Variants in NOS1AP observed in about 807,000 individuals in gnomAD.
NOS1AP encodes the protein nitric oxide synthase 1 adaptor protein.
In NOS1AP, 21 loss-of-function variants were observed where a neutral mutation model predicts 56.2. That is an observed-to-expected ratio of 0.37 (90% CI 0.26 to 0.54). NOS1AP has a LOEUF of 0.54. Ranked by LOEUF, NOS1AP falls within the 20% of genes least tolerant of loss-of-function variation. NOS1AP has a pLI of 0.84. For synonymous variants in NOS1AP, 270 were observed against 274.6 expected (o/e 0.98, Z 0.17); for missense variants, 522 against 657.8 (o/e 0.79, Z 2.26).
At chr1:162,129,360 C>A (rs1234141689) in intron 1 of NOS1AP, among the ~76,000 whole-genome samples, 1 of 152,162 alleles carries the variant, frequency 6.6e-6, no homozygotes, top group Non-Finnish European at 1.5e-5. Flanking sequence ...ATTTTTTAAA[C>A]CCTGATTGTT....
intron 7 of NOS1AP, 98 bp from the exon 8 acceptor site, chr1:162,356,862 G>A: frequency 1.2e-6 from 2 of 1,606,112 alleles, no homozygotes; most frequent in South Asian, 2.2e-5. Context: ...GGTTGTAAGT[G>A]TGCCAATTTG....
intron 2 of NOS1AP, among the ~76,000 whole-genome samples, chr1:162,185,406 G>A (rs1651396507): frequency 6.6e-6 from 1 of 152,150 alleles, no homozygotes; most frequent in Non-Finnish European, 1.5e-5. Flanking sequence ...ACATAATTCC[G>A]CCCTACTTCC....
chr1:162,329,137 A>G (rs1012399226), intron 4 of NOS1AP, among the ~76,000 whole-genome samples: 15 of 152,236 alleles, frequency 9.9e-5, no homozygotes, highest in Admixed American at 4.6e-4. Context: ...CTGTGGACAT[A>G]TGATGAATCT....
chr1:162,105,525 C>G (rs556759085), intron 1 of NOS1AP, among the ~76,000 whole-genome samples: 1 of 152,346 alleles, frequency 6.6e-6, no homozygotes, highest in Admixed American at 6.5e-5. Flanking sequence ...TACCAAACTG[C>G]AGAGATGGTG....
At chr1:162,186,869 C>T (rs184338065) in intron 2 of NOS1AP, among the ~76,000 whole-genome samples, 29 of 152,344 alleles carry the variant, frequency 1.9e-4, no homozygotes, top group African/African-American at 7.0e-4. Context: ...TTCAGATTTT[C>T]AGATTGTAAT....
chr1:162,186,833 T>C (rs1232851626), intron 2 of NOS1AP, among the ~76,000 whole-genome samples: 1 of 152,266 alleles, frequency 6.6e-6, no homozygotes, highest in Non-Finnish European at 1.5e-5. Flanking sequence ...ACTTTCGTTA[T>C]AGCAACCCGA....
chr1:162,153,404 C>G, intron 1 of NOS1AP, among the ~76,000 whole-genome samples: 1 of 152,202 alleles, frequency 6.6e-6, no homozygotes, highest in East Asian at 1.9e-4. Context: ...ACCAGAATTA[C>G]AGGCATGAGC....
At chr1:162,281,574 G>A (rs752004186) in intron 2 of NOS1AP, among the ~76,000 whole-genome samples, 10 of 152,292 alleles carry the variant, frequency 6.6e-5, no homozygotes, top group Admixed American at 5.9e-4. Context: ...AGTGTGAGCA[G>A]ATATTTCAAG....
At chr1:162,073,028 C>T (rs546353811) in intron 1 of NOS1AP, among the ~76,000 whole-genome samples, 86 of 152,292 alleles carry the variant, frequency 5.6e-4, no homozygotes, top group South Asian at 1.7e-3. Flanking sequence ...CACTCATTTT[C>T]AGGGTTCTGC....
intron 4 of NOS1AP, among the ~76,000 whole-genome samples, chr1:162,328,324 G>A (rs1656660111): frequency 6.6e-6 from 1 of 152,194 alleles, no homozygotes; most frequent in Non-Finnish European, 1.5e-5. Context: ...ATTTACCTAT[G>A]TAACAAACCC....
chr1:162,330,175 G>T (rs1571223127), intron 4 of NOS1AP, among the ~76,000 whole-genome samples: 1 of 152,200 alleles, frequency 6.6e-6, no homozygotes, highest in Admixed American at 6.5e-5. Context: ...GAAGTTTTAC[G>T]TATGATGCTG....
chr1:162,223,672 A>G (rs982211276), intron 2 of NOS1AP, among the ~76,000 whole-genome samples: 1 of 152,230 alleles, frequency 6.6e-6, no homozygotes, highest in African/African-American at 2.4e-5. Context: ...TCTCTGAATC[A>G]TCTGCTGTTC....
At chr1:162,279,757 T>TGAATGGAG (rs1257481685) in intron 2 of NOS1AP, among the ~76,000 whole-genome samples, 1 of 152,206 alleles carries the variant, frequency 6.6e-6, no homozygotes, top group Non-Finnish European at 1.5e-5. Flanking sequence ...ATGTATTGAA[T>TGAATGGAG]GAATGGAGGA....
intron 2 of NOS1AP, among the ~76,000 whole-genome samples, chr1:162,168,142 G>C (rs1046413833): frequency 6.6e-6 from 1 of 152,186 alleles, no homozygotes; most frequent in African/African-American, 2.4e-5. Flanking sequence ...CAGTAACCTG[G>C]TCACATAGGC....
In NOS1AP at chr1:162,355,330, G is replaced by A. The variant is rs769601853; in HGVS notation, c.739G>A (p.Gly247Arg). ...VTDLDAVGKE[G>R]GSHTGSKVSH... ...TGATCTAGATGCTGTAGGGAAGGAAGGAGGCTCTCACACAGGCTCCAAGGT... is the reference window on the plus strand; with the variant it reads ...TGATCTAGATGCTGTAGGGAAGGAAAGAGGCTCTCACACAGGCTCCAAGGT... The change falls in exon 7 of 10, where the codon GGA (glycine) becomes AGA (arginine). Residue 247 changes from glycine to arginine, a missense_variant. Around this residue, in one of 4 missense-constraint regions of NOS1AP, gnomAD observed 178 missense variants for 165.0 expected, o/e 1.08. Transcript: ENST00000361897. The A allele has an allele frequency of 1.9e-6, 3 of 1,614,190 alleles. No homozygotes were observed. Among genetic ancestry groups the A allele is most frequent in the Non-Finnish European group, 2.5e-6 (3 of 1,180,028 alleles).
intron 4 of NOS1AP, among the ~76,000 whole-genome samples, chr1:162,328,992 TTTGAGAAGGGGGGTA>T (rs138578097): frequency 0.046 from 6,947 of 152,182 alleles, 445 homozygotes; most frequent in African/African-American, 0.14. Context: ...AGATGAATAG[TTTGAGAAGGGGGGTA>T]TTGGTGGTGA....
chr1:162,364,355 CT>C (rs1657998362), intron 8 of NOS1AP: 1 of 985,332 alleles, frequency 1.0e-6, no homozygotes, highest in African/African-American at 1.7e-5. Flanking sequence ...CTTCAGGGGC[CT>C]TCTGAAATGC....
intron 1 of NOS1AP, among the ~76,000 whole-genome samples, chr1:162,085,826 T>C (rs1224547417): frequency 1.3e-5 from 2 of 152,284 alleles, no homozygotes; most frequent in East Asian, 3.9e-4. Context: ...TTATTAGGTA[T>C]TAATCACATA....
At chr1:162,081,774 A>ATATATATAT in intron 1 of NOS1AP, among the ~76,000 whole-genome samples, 15 of 44,000 alleles carry the variant, frequency 3.4e-4, no homozygotes, top group South Asian at 7.5e-4. Context: ...ATATATATAT[A>ATATATATAT]TTTTTTTTTT....
Sources: gnomAD v4.1 joint callset for allele counts (sites outside exome capture counted in the v4.1 genomes callset) on GRCh38, gnomAD v4.1.1 for gene constraint, gnomAD v4.1.1 regional missense constraint, MANE v1.5 for transcripts, NCBI Gene and HGNC (gene_info 2026-07-23, HGNC 2026-07-21) for gene names.